The following GOLGA1 variants were observed in gnomAD, a reference collection of about 807,000 sequenced individuals.
The protein encoded by GOLGA1 is golgin A1, also known as golgin subfamily A member 1.
In GOLGA1, 63 loss-of-function variants were observed where a neutral mutation model predicts 119.7. That is an observed-to-expected ratio of 0.53 (90% CI 0.43 to 0.65). The LOEUF (loss-of-function observed/expected upper bound fraction) is 0.65. Ranked by LOEUF, GOLGA1 falls within the 30% of genes least tolerant of loss-of-function variation. The pLI is 0.00. For synonymous variants in GOLGA1, 318 were observed against 333.4 expected, an observed-to-expected ratio of 0.95 and a Z score of 0.50; for missense variants, 798 against 912.8, an observed-to-expected ratio of 0.87 and a Z score of 1.62.
chr9:124,894,949 C>CCCATCCACAACAGAGAA (rs1829931307), intron 15 of GOLGA1, among the ~76,000 whole-genome samples: 7 of 135,894 alleles, frequency 5.2e-5, no homozygotes, highest in East Asian at 2.3e-4. Flanking sequence ...ACAACAGAGA[C>CCCATCCACAACAGAGAA]CCATCCACAA....
At chr9:124,934,520 G>A (rs77050316) in intron 3 of GOLGA1, among the ~76,000 whole-genome samples, 82 of 152,304 alleles carry the variant, frequency 5.4e-4, no homozygotes, top group African/African-American at 1.9e-3. Context: ...AAAATTGTAA[G>A]CATGAAAGAA....
At chr9:124,896,836 G>C (rs567235017) in intron 15 of GOLGA1, among the ~76,000 whole-genome samples, 1 of 152,216 alleles carries the variant, frequency 6.6e-6, no homozygotes, top group East Asian at 1.9e-4. Context: ...TGAGGCTGAG[G>C]TGGGAGGATT....
intron 12 of GOLGA1, 77 bp from the exon 13 acceptor site, chr9:124,900,624 C>A: frequency 3.1e-6 from 2 of 652,716 alleles, no homozygotes; most frequent in Admixed American, 2.9e-5. Flanking sequence ...AAATGCAAAG[C>A]GATTTAAATA....
intron 10 of GOLGA1, among the ~76,000 whole-genome samples, chr9:124,920,207 A>G (rs1020264742): frequency 4.0e-5 from 6 of 151,894 alleles, no homozygotes; most frequent in African/African-American, 1.5e-4. Flanking sequence ...GCAGCCTTGA[A>G]TTCCTGGGCT....
rs1162154551 is a variant in GOLGA1, at chr9:124,878,870, T to TC, written c.*1659dup. On this transcript the variant is annotated 3_prime_UTR_variant, in exon 23 of 23. Coordinates refer to ENST00000373555, the MANE Select transcript of GOLGA1 (RefSeq NM_002077.4). ...AATCCTACTTTGAAAAAAGGCTACC[T>TC]CTTACCCATCAAACTTGCAGAACAG... 1 of 152,220 alleles carries TC rather than the reference T, an allele frequency of 6.6e-6. No homozygotes were observed. Among genetic ancestry groups the TC allele is most frequent in the Non-Finnish European group, 1.5e-5 (1 of 68,044 alleles). The allele number at this position is 152,220 out of a possible 1,614,324, so 9.4% of individuals were successfully genotyped here. A position where few individuals can be genotyped will look rare whatever the true frequency, so the allele number is the denominator to read the frequency against.
Position 124,879,645 on chromosome 9 carries a change from A to G in GOLGA1, c.*885T>C, listed in dbSNP as rs568105622. On this transcript the variant is annotated 3_prime_UTR_variant, in exon 23 of 23. Transcript: ENST00000373555. Reference sequence around the variant, plus strand: ...TGCACTTCAGAGGGAGCAGTGCCAGAGTGCGAGTGAGAAGACAAAGGAACA... The same window carrying G: ...TGCACTTCAGAGGGAGCAGTGCCAGGGTGCGAGTGAGAAGACAAAGGAACA... 3 of 151,338 alleles carry G rather than the reference A, an allele frequency of 2.0e-5. No homozygotes were observed. The East Asian group carries it at 5.8e-4, about 29-fold the overall frequency. 9.4% of individuals were successfully genotyped at this position (151,338 alleles called of 1,614,324 possible).
intron 10 of GOLGA1, among the ~76,000 whole-genome samples, chr9:124,920,855 GAAAAA>G (rs58458904): frequency 9.0e-6 from 1 of 110,906 alleles, no homozygotes; most frequent in African/African-American, 3.7e-5. Context: ...CAAAAAAAAA[GAAAAA>G]AAAAAAAAAA....
intron 13 of GOLGA1, among the ~76,000 whole-genome samples, chr9:124,899,887 G>A (rs1830063708): frequency 1.3e-5 from 2 of 152,234 alleles, no homozygotes; most frequent in Non-Finnish European, 2.9e-5. Flanking sequence ...TACTGGCTGC[G>A]AGCCTGTGGG....
chr9:124,897,950 G>A (rs866539249), intron 15 of GOLGA1, among the ~76,000 whole-genome samples: 11 of 152,260 alleles, frequency 7.2e-5, no homozygotes, highest in Middle Eastern at 3.4e-3. Context: ...AAGGGGCCAC[G>A]GGAGTCTGGG....
intron 12 of GOLGA1, among the ~76,000 whole-genome samples, chr9:124,904,395 G>C (rs1263076962): frequency 6.6e-6 from 1 of 152,124 alleles, no homozygotes; most frequent in Non-Finnish European, 1.5e-5. Flanking sequence ...GATCAAAAAG[G>C]ATATTCAGAA....
At chr9:124,898,961 T>TG (rs1459689323) in intron 14 of GOLGA1, among the ~76,000 whole-genome samples, 2 of 152,108 alleles carry the variant, frequency 1.3e-5, no homozygotes, top group Non-Finnish European at 2.9e-5. Context: ...TTTGGGAGGC[T>TG]GAGGTGGGCA....
intron 19 of GOLGA1, among the ~76,000 whole-genome samples, chr9:124,885,539 T>C (rs1355941019): frequency 7.3e-6 from 1 of 136,202 alleles, no homozygotes; most frequent in Non-Finnish European, 1.6e-5. Flanking sequence ...TCAGAGGGTA[T>C]GAAGAGGCAT....
chr9:124,933,463 C>CA (rs1777567487), intron 3 of GOLGA1, among the ~76,000 whole-genome samples: 1 of 152,114 alleles, frequency 6.6e-6, no homozygotes, highest in Admixed American at 6.6e-5. Flanking sequence ...CTCTGTCACC[C>CA]AGGCTGGAGT....
chr9:124,920,566 T>C (rs769688442), intron 10 of GOLGA1, among the ~76,000 whole-genome samples: 3 of 152,254 alleles, frequency 2.0e-5, no homozygotes, highest in East Asian at 1.9e-4. Flanking sequence ...GAGCCAAGTA[T>C]GTCAAAGGTA....
chr9:124,895,946 C>CCG lies in GOLGA1; in HGVS notation c.1407+2602_1407+2603insCG, dbSNP rs1435256117. On this transcript the variant is annotated intron_variant, in intron 15 of 22. Transcript: ENST00000373555. Reference sequence around the variant, plus strand: ...AGAGACCCTCCACAACAGAGACCCTCTATAACAGAGAACCATCCACAACAG... The same window carrying CCG: ...AGAGACCCTCCACAACAGAGACCCTCCGTATAACAGAGAACCATCCACAACAG... Among the ~76,000 whole-genome samples the CCG allele has an allele frequency of 3.4e-5, 5 of 149,028 alleles. No individual in the cohort carries two copies. The East Asian group carries it at 1.0e-3, about 31-fold the overall frequency.
Position 124,891,979 on chromosome 9 carries a change from A to AGT in GOLGA1, c.1408-1503_1408-1502dup, listed in dbSNP as rs1829866248. On this transcript the variant is annotated intron_variant, in intron 15 of 22. Coordinates refer to ENST00000373555, the MANE Select transcript of GOLGA1 (RefSeq NM_002077.4). ...CCCTTCTTCACTTCATTCCTGAGAC[A>AGT]GTTTCATTTTTGTTGCCCAGGCTGG... Among the ~76,000 whole-genome samples, 4 of 820 alleles carry AGT rather than the reference A, an allele frequency of 4.9e-3. No individual in the cohort carries two copies. The Admixed American group carries it at 0.25, about 51-fold the overall frequency. 0.5% of individuals were successfully genotyped at this position (820 alleles called of 152,430 possible). A position where few individuals can be genotyped will look rare whatever the true frequency, so the allele number is the denominator to read the frequency against.
chr9:124,923,214 T>A lies in GOLGA1; in HGVS notation c.442A>T (p.Ile148Phe). 1 of 1,594,560 alleles carries A rather than the reference T, an allele frequency of 6.3e-7. No homozygotes were observed. The highest frequency in any genetic ancestry group is 1.1e-5 in the South Asian group (1 of 89,016). Residue 148 changes from isoleucine (I) to phenylalanine (F), a missense_variant, in exon 8 of 23, where the codon ATT becomes TTT. Coordinates refer to ENST00000373555, the MANE Select transcript of GOLGA1 (RefSeq NM_002077.4). ...KMDQLEKEKN[I>F]LTAQLQEMKN... Reference sequence around the variant, plus strand: ...ATTTCCTGTAACTGGGCTGTCAGAATATTTTTCTCCTATTTGAAAGAAGAA... The same window carrying A: ...ATTTCCTGTAACTGGGCTGTCAGAAAATTTTTCTCCTATTTGAAAGAAGAA...
chr9:124,885,495 AAAAAAAG>A (rs1361762793), intron 19 of GOLGA1, among the ~76,000 whole-genome samples: 1 of 151,912 alleles, frequency 6.6e-6, no homozygotes, highest in African/African-American at 2.4e-5. Context: ...AAAAAAAAAA[AAAAAAAG>A]AAATCAATAA....
At position 124,881,316 on chromosome 9, in the gene GOLGA1, C is replaced by T. The variant is rs540712390; in HGVS notation, c.2137-59G>A. 15 of 946,886 alleles carry T rather than the reference C, an allele frequency of 1.6e-5. No homozygotes were observed. Among genetic ancestry groups the T allele is most frequent in the South Asian group, 1.2e-4 (9 of 77,708 alleles). The allele number at this position is 946,886 out of a possible 1,614,324, so 58.7% of individuals were successfully genotyped here. Reference sequence around the variant, plus strand: ...TGGTGAAGGTGAGGCGGGGTGGGGTCGGGGGAGCTACGTGGCATTTCCTGC... The same window carrying T: ...TGGTGAAGGTGAGGCGGGGTGGGGTTGGGGGAGCTACGTGGCATTTCCTGC... On this transcript the variant is annotated intron_variant, in intron 21 of 22. Transcript: ENST00000373555. This position sits in a 1 kb window ranked among gnomAD's most constrained non-coding sequence, Gnocchi z 4.9.
Sources: allele counts gnomAD v4.1 joint callset (sites outside exome capture counted in the v4.1 genomes callset), GRCh38; gene constraint gnomAD v4.1.1; non-coding constraint Gnocchi (gnomAD v3.1); transcripts MANE v1.5; gene names NCBI Gene and HGNC (gene_info 2026-07-23, HGNC 2026-07-21).